Variants in TMEM17 observed in about 807,000 individuals in gnomAD.
TMEM17 encodes transmembrane protein 17.
A neutral mutation model predicts 19.1 loss-of-function variants in TMEM17; 15 were observed. That is an observed-to-expected ratio of 0.78 (90% CI 0.52 to 1.21). The LOEUF is 1.21. Among genes scored for constraint, TMEM17 ranks in the 50% most tolerant of loss-of-function variants. The probability of loss-of-function intolerance (pLI) is 0.00; values close to 1 mark genes in which losing one functional copy is unlikely to be tolerated. For missense variants in TMEM17, 245 were observed against 242.3 expected (o/e 1.01, Z -0.07); for synonymous variants, 103 against 86.9 (o/e 1.19, Z -1.03).
chr2:62,458,631 C>T, the TMEM17 span, among the ~76,000 whole-genome samples: 4 of 152,160 alleles, frequency 2.6e-5, no homozygotes, highest in Admixed American at 2.6e-4. Flanking sequence ...CTGGCTCTGG[C>T]GATTCAGACC....
intron 3 of TMEM17, 41 bp downstream of exon 3, chr2:62,502,396 C>T (rs757916761): frequency 1.4e-5 from 19 of 1,378,278 alleles, no homozygotes; most frequent in African/African-American, 1.2e-4. Context: ...AAACTGATTT[C>T]ATTTATATCT....
At chr2:62,488,556 A>G in the TMEM17 span, among the ~76,000 whole-genome samples, 2 of 152,012 alleles carry the variant, frequency 1.3e-5, no homozygotes, top group Non-Finnish European at 2.9e-5. Context: ...GCAACTAATA[A>G]AGAGGAATTC....
At chr2:62,464,476 G>A in the TMEM17 span, among the ~76,000 whole-genome samples, 1 of 152,238 alleles carries the variant, frequency 6.6e-6, no homozygotes, top group Non-Finnish European at 1.5e-5. Flanking sequence ...AGAGGGGTCA[G>A]GGAAGTATCC....
At chr2:62,475,732 C>T in the TMEM17 span, among the ~76,000 whole-genome samples, 2 of 152,170 alleles carry the variant, frequency 1.3e-5, no homozygotes, top group African/African-American at 4.8e-5. Flanking sequence ...GTGTCGGGCT[C>T]GCTGACAGCT....
the TMEM17 span, among the ~76,000 whole-genome samples, chr2:62,493,461 C>T: frequency 2.6e-5 from 4 of 152,172 alleles, no homozygotes; most frequent in African/African-American, 9.7e-5. Flanking sequence ...AGAAAGCGCA[C>T]AGTGAGATTG....
At chr2:62,489,951 G>A in the TMEM17 span, among the ~76,000 whole-genome samples, 2 of 152,108 alleles carry the variant, frequency 1.3e-5, no homozygotes, top group East Asian at 1.9e-4. Context: ...AAGGTGGGTG[G>A]ATCACTTGAG....
chr2:62,501,412 C>A lies in TMEM17; in HGVS notation c.394G>T (p.Glu132Ter). ...TCCAAGGGCAGATTTGTTAGGCCTT[C>A]ATTAAAGAGCAAGAAAAGAATTAAA... ...LPLILFLLFN[E>*]GLTNLPLEKA... The change falls in exon 4 of 4, where the codon GAA becomes TAA. Residue 132 changes from glutamate to a stop codon, truncating the protein, a stop_gained. Coordinates refer to ENST00000335390, the MANE Select transcript of TMEM17 (RefSeq NM_198276.3). LOFTEE classifies it high-confidence loss of function. 2 of 1,614,140 alleles carry A rather than the reference C, an allele frequency of 1.2e-6. No individual in the cohort carries two copies. The highest frequency in any genetic ancestry group is 4.5e-5 in the East Asian group (2 of 44,880).
chr2:62,490,215 T>C, the TMEM17 span, among the ~76,000 whole-genome samples: 1 of 152,162 alleles, frequency 6.6e-6, no homozygotes, highest in Non-Finnish European at 1.5e-5. Context: ...TTATTATTTC[T>C]GTAGGACCAA....
chr2:62,504,266 A>G (rs2103734471), intron 1 of TMEM17, among the ~76,000 whole-genome samples: 1 of 152,310 alleles, frequency 6.6e-6, no homozygotes, highest in African/African-American at 2.4e-5. Context: ...TGAATTCTTA[A>G]AATCTGTTAA....
intron 3 of TMEM17, 140 bp from the exon 4 acceptor site, chr2:62,501,627 G>C: frequency 1.2e-6 from 1 of 806,782 alleles, no homozygotes; most frequent in Non-Finnish European, 1.9e-6. Flanking sequence ...CATGGTCCTT[G>C]TCCTCAGAGA....
At chr2:62,498,838 T>A (rs1374244354), downstream of TMEM17, among the ~76,000 whole-genome samples, 5 of 152,174 alleles carry the variant, frequency 3.3e-5, no homozygotes, top group Admixed American at 6.5e-5. Context: ...TACAGTGTTG[T>A]AAATCCTTAG....
the TMEM17 span, among the ~76,000 whole-genome samples, chr2:62,466,593 G>A: frequency 2.0e-5 from 3 of 152,200 alleles, no homozygotes; most frequent in East Asian, 3.8e-4. Context: ...CTTTCTGGAT[G>A]TGCAGATGCC....
downstream of TMEM17, among the ~76,000 whole-genome samples, chr2:62,497,027 T>TTG (rs1226770152): frequency 6.6e-6 from 1 of 152,214 alleles, no homozygotes; most frequent in Non-Finnish European, 1.5e-5. Context: ...GAGTATTTCA[T>TTG]TGTGTTTACT....
chr2:62,473,623 A>G, the TMEM17 span, among the ~76,000 whole-genome samples: 9 of 151,798 alleles, frequency 5.9e-5, no homozygotes, highest in Non-Finnish European at 1.2e-4. Context: ...TGCTGATGAA[A>G]TATCTCATCT....
chr2:62,453,789 A>G, the TMEM17 span, among the ~76,000 whole-genome samples: 1 of 152,224 alleles, frequency 6.6e-6, no homozygotes, highest in Admixed American at 6.5e-5. Flanking sequence ...GAGGTCTTAA[A>G]TATGGTTCTC....
the TMEM17 span, among the ~76,000 whole-genome samples, chr2:62,479,642 T>C: frequency 1.3e-5 from 2 of 152,250 alleles, no homozygotes; most frequent in African/African-American, 4.8e-5. Flanking sequence ...TCCCTGCAGT[T>C]TGGGAGGCCG....
the TMEM17 span, among the ~76,000 whole-genome samples, chr2:62,481,776 G>A: frequency 6.6e-6 from 1 of 151,420 alleles, no homozygotes; most frequent in African/African-American, 2.4e-5. Context: ...ATGGGAGCTG[G>A]TTAAAGAGTC....
At chr2:62,493,485 T>G in the TMEM17 span, among the ~76,000 whole-genome samples, 3 of 152,218 alleles carry the variant, frequency 2.0e-5, no homozygotes, top group South Asian at 6.2e-4. Context: ...TCCTACTTGA[T>G]CTGGGCATTA....
the TMEM17 span, among the ~76,000 whole-genome samples, chr2:62,487,048 G>A: frequency 6.6e-6 from 1 of 152,268 alleles, no homozygotes; most frequent in Non-Finnish European, 1.5e-5. Flanking sequence ...TAATAATTGT[G>A]TTAGTTTCCA....
Sources: gnomAD v4.1 joint callset for allele counts (sites outside exome capture counted in the v4.1 genomes callset) on GRCh38, gnomAD v4.1.1 for gene constraint, MANE v1.5 for transcripts, NCBI Gene and HGNC (gene_info 2026-07-23, HGNC 2026-07-21) for gene names.